The following CTNNA2 variants were observed in gnomAD, a reference collection of about 807,000 sequenced individuals.
CTNNA2 encodes the protein catenin alpha 2, also known as catenin alpha-2.
A neutral mutation model predicts 101.0 loss-of-function variants in CTNNA2; 42 were observed. That is an observed-to-expected ratio of 0.42 (90% CI 0.32 to 0.54). The LOEUF is 0.54. Ranked by LOEUF, CTNNA2 falls within the 20% of genes least tolerant of loss-of-function variation. CTNNA2 has a pLI of 0.14. For synonymous variants in CTNNA2, 450 were observed against 456.4 expected (o/e 0.99, Z 0.18); for missense variants, 871 against 1,223.1 (o/e 0.71, Z 4.29).
At chr2:79,840,766 CTTT>C (rs67401953) in intron 3 of CTNNA2, among the ~76,000 whole-genome samples, 74,903 of 143,928 alleles carry the variant, frequency 0.52, 20,541 homozygotes, top group African/African-American at 0.74. Flanking sequence ...GACTACCTCT[CTTT>C]TTTTTTTTTT....
At chr2:79,769,329 A>G (rs965352874) in intron 3 of CTNNA2, among the ~76,000 whole-genome samples, 4 of 152,012 alleles carry the variant, frequency 2.6e-5, no homozygotes, top group Non-Finnish European at 5.9e-5. Context: ...TAATCAATGC[A>G]TTTTCCTTGG....
At position 80,550,853 on chromosome 2, in the gene CTNNA2, A is replaced by G. The variant is rs141098236; in HGVS notation, c.1540+4790A>G. On this transcript the variant is annotated intron_variant, in intron 11 of 18. Coordinates refer to ENST00000402739, the MANE Select transcript of CTNNA2 (RefSeq NM_001282597.3). ...TTTCCAAACTCCTGTTAATGTTGAT[A>G]TTTTGACTTTCTCCGGTGAATCAAT... Among the ~76,000 whole-genome samples, 28 of 152,300 alleles carry G rather than the reference A, an allele frequency of 1.8e-4. No homozygotes were observed. In the East Asian group the frequency reaches 5.2e-3, roughly 28 times the overall value.
intron 12 of CTNNA2, 107 bp downstream of exon 12, chr2:80,556,000 G>C: frequency 2.7e-6 from 2 of 731,476 alleles, no homozygotes; most frequent in South Asian, 3.8e-5. Context: ...CTTCTAAATT[G>C]CACATAATTG....
intron 3 of CTNNA2, among the ~76,000 whole-genome samples, chr2:79,760,104 G>A (rs1474817919): frequency 6.6e-6 from 1 of 152,138 alleles, no homozygotes; most frequent in Non-Finnish European, 1.5e-5. Context: ...AGTATTTAAT[G>A]TCTCATAGGC....
At chr2:79,490,931 T>C (rs912163668) in intron 4 of CTNNA2, among the ~76,000 whole-genome samples, 1 of 152,138 alleles carries the variant, frequency 6.6e-6, no homozygotes, top group African/African-American at 2.4e-5. Flanking sequence ...CATTGTGATA[T>C]GAGGATATTA....
intron 3 of CTNNA2, among the ~76,000 whole-genome samples, chr2:79,335,857 G>A (rs922210810): frequency 2.0e-5 from 3 of 152,188 alleles, no homozygotes; most frequent in African/African-American, 4.8e-5. Context: ...GCCAACTTAG[G>A]AAACTTGCAC....
chr2:80,639,513 A>ATGTGTGTGTGTG lies in CTNNA2; in HGVS notation c.2575-8056_2575-8045dup, dbSNP rs112045877. 6.4e-3 allele frequency among the ~76,000 whole-genome samples: 951 copies of ATGTGTGTGTGTG among 147,468 alleles called. 12 individuals are homozygous for ATGTGTGTGTGTG. Among genetic ancestry groups the ATGTGTGTGTGTG allele is most frequent in the Middle Eastern group, 0.041 (12 of 290 alleles). ...GCATGAACCACCATGCCCAGCCTTGATGTGTGTGTGTGTGTGTGTGTGTGT... is the reference window on the plus strand; with the variant it reads ...GCATGAACCACCATGCCCAGCCTTGATGTGTGTGTGTGTGTGTGTGTGTGTGTGTGTGTGTGT... On this transcript the variant is annotated intron_variant, in intron 18 of 18. Transcript: ENST00000402739.
rs182014429 is a variant in CTNNA2 at position 79,494,166 on chromosome 2, A to G, written c.-134-10888A>G. 2.2e-4 allele frequency among the ~76,000 whole-genome samples: 34 copies of G among 152,336 alleles called. No individual in the cohort carries two copies. The East Asian group carries it at 3.3e-3, about 15-fold the overall frequency. On this transcript the variant is annotated intron_variant, in intron 4 of 21. Coordinates refer to the CTNNA2 transcript ENST00000466387. ...ATGCTACAATACGTTATTGAAATAA[A>G]TTAAAGAAGACATAAACAAATGTTA...
intron 7 of CTNNA2, among the ~76,000 whole-genome samples, chr2:80,008,499 A>G (rs1693538492): frequency 6.6e-6 from 1 of 152,156 alleles, no homozygotes; most frequent in Admixed American, 6.5e-5. Context: ...TCACTTGCAC[A>G]TCAACTTCTC....
At chr2:79,664,869 G>A (rs1262883743) in intron 2 of CTNNA2, among the ~76,000 whole-genome samples, 1 of 151,512 alleles carries the variant, frequency 6.6e-6, no homozygotes, top group Non-Finnish European at 1.5e-5. Context: ...CCGCCAACAC[G>A]CCCGGCTAAT....
intron 7 of CTNNA2, among the ~76,000 whole-genome samples, chr2:79,930,260 AAGAAAGAAAGAAAGAAAG>A (rs201549415): frequency 0.047 from 2,080 of 44,630 alleles, 152 homozygotes; most frequent in Admixed American, 0.21. Context: ...GAAAGAAAGA[AAGAAAGAAAGAAAGAAAG>A]AGAGAGAGAG....
At chr2:79,937,521 C>T (rs1486477046) in intron 7 of CTNNA2, among the ~76,000 whole-genome samples, 3 of 152,170 alleles carry the variant, frequency 2.0e-5, no homozygotes, top group African/African-American at 7.2e-5. Context: ...TAAATTTTCT[C>T]ACTTTTCAAA....
chr2:79,819,171 G>T (rs1420105166), intron 3 of CTNNA2, among the ~76,000 whole-genome samples: 1 of 151,582 alleles, frequency 6.6e-6, no homozygotes, highest in Admixed American at 6.6e-5. Context: ...TAGAGATGGG[G>T]TTTCTCCATG....
intron 7 of CTNNA2, among the ~76,000 whole-genome samples, chr2:80,385,538 G>T (rs537514374): frequency 6.6e-6 from 1 of 152,270 alleles, no homozygotes; most frequent in Admixed American, 6.5e-5. Flanking sequence ...TGTTATAGCA[G>T]CTCAAATGAA....
In CTNNA2 at chr2:79,405,317, T is replaced by A. The variant is rs563714455; in HGVS notation, c.-135+31304T>A. Among the ~76,000 whole-genome samples, 51 of 151,966 alleles carry A rather than the reference T, an allele frequency of 3.4e-4. No individual in the cohort carries two copies. In the South Asian group the frequency reaches 6.2e-3, roughly 19 times the overall value. ...GTGAGACTGCAGCCCTGGCTGACAA[T>A]TTGTTTTTATTTTTATTTTTATTTT... On this transcript the variant is annotated intron_variant, in intron 4 of 21. Transcript: ENST00000466387.
intron 7 of CTNNA2, among the ~76,000 whole-genome samples, chr2:80,191,436 T>C (rs974537065): frequency 6.6e-6 from 1 of 152,242 alleles, no homozygotes; most frequent in Non-Finnish European, 1.5e-5. Flanking sequence ...AGTTAAGATG[T>C]AATCCCTGCA....
chr2:79,820,815 G>T (rs1346721389), intron 3 of CTNNA2, among the ~76,000 whole-genome samples: 2 of 152,058 alleles, frequency 1.3e-5, no homozygotes, highest in African/African-American at 4.8e-5. Flanking sequence ...TTTGGACATA[G>T]GACCCCTAAT....
At chr2:79,292,062 G>C (rs576818349) in intron 2 of CTNNA2, among the ~76,000 whole-genome samples, 30 of 152,242 alleles carry the variant, frequency 2.0e-4, no homozygotes, top group Non-Finnish European at 3.5e-4. Flanking sequence ...TCTTAGAGAA[G>C]TAAAACAAGG....
intron 16 of CTNNA2, chr2:80,605,178 A>G (rs912344158): frequency 2.6e-5 from 4 of 151,998 alleles, no homozygotes; most frequent in African/African-American, 9.7e-5. Context: ...GTTTATTTCC[A>G]TACTTTTCGT....
Sources: allele counts gnomAD v4.1 joint callset (sites outside exome capture counted in the v4.1 genomes callset), GRCh38; gene constraint gnomAD v4.1.1; transcripts MANE v1.5; gene names NCBI Gene and HGNC (gene_info 2026-07-23, HGNC 2026-07-21).